Variants in RSRC1 observed in about 807,000 individuals in gnomAD.
RSRC1 encodes the protein serine/Arginine-related protein 53.
RSRC1 carries 39 observed loss-of-function variants against 49.1 expected under a neutral mutation model. The observed-to-expected ratio is 0.79, with a 90% CI of 0.61 to 1.04. RSRC1 has a LOEUF of 1.04. RSRC1 is among the 50% of genes least tolerant of loss of function. The pLI is 0.00. For missense variants in RSRC1, 388 were observed against 402.4 expected (o/e 0.96, Z 0.31); for synonymous variants, 143 against 130.8 (o/e 1.09, Z -0.63).
At chr3:158,343,123 C>T (rs1449333345) in intron 5 of RSRC1, among the ~76,000 whole-genome samples, 1 of 152,176 alleles carries the variant, frequency 6.6e-6, no homozygotes, top group African/African-American at 2.4e-5. Flanking sequence ...GGGAAATAGC[C>T]ACCTAAAATG....
intron 3 of RSRC1, among the ~76,000 whole-genome samples, chr3:158,165,339 G>A (rs1045386136): frequency 6.6e-6 from 1 of 152,178 alleles, no homozygotes; most frequent in African/African-American, 2.4e-5. Context: ...CAGGCTGTTT[G>A]AGCATAGCTC....
At chr3:158,296,721 T>C (rs1366420719) in intron 4 of RSRC1, among the ~76,000 whole-genome samples, 2 of 152,084 alleles carry the variant, frequency 1.3e-5, no homozygotes, top group African/African-American at 4.8e-5. Flanking sequence ...CATTAGAGAT[T>C]AAATAATGAG....
intron 5 of RSRC1, among the ~76,000 whole-genome samples, chr3:158,349,507 A>G (rs1313651963): frequency 1.3e-5 from 2 of 152,136 alleles, no homozygotes; most frequent in East Asian, 1.9e-4. Flanking sequence ...AATAATTATT[A>G]CTAGTTTTAG....
rs981914985 is a variant in RSRC1 at position 158,283,152 on chromosome 3, T to A, written c.495-14887T>A. On this transcript the variant is annotated intron_variant, in intron 4 of 9. Transcript: ENST00000611884. Reference sequence around the variant, plus strand: ...TAGATGGTATAAGGGTGAAAAAAAATGTAGACAAGGTTTTTAAAGTGAACA... The same window carrying A: ...TAGATGGTATAAGGGTGAAAAAAAAAGTAGACAAGGTTTTTAAAGTGAACA... Among the ~76,000 whole-genome samples, 5 of 151,962 alleles carry A rather than the reference T, an allele frequency of 3.3e-5. No individual in the cohort carries two copies. The South Asian group carries it at 1.0e-3, about 31-fold the overall frequency.
intron 6 of RSRC1, among the ~76,000 whole-genome samples, chr3:158,382,836 T>C (rs1032395390): frequency 2.6e-5 from 4 of 152,230 alleles, no homozygotes; most frequent in African/African-American, 9.6e-5. Context: ...ATGAGTATTG[T>C]ATCTTTAACT....
chr3:158,400,686 T>C (rs1247030181), intron 6 of RSRC1, among the ~76,000 whole-genome samples: 6 of 152,086 alleles, frequency 3.9e-5, no homozygotes, highest in African/African-American at 1.4e-4. Flanking sequence ...GGAAAAAGCT[T>C]ATAGAATAAG....
intron 5 of RSRC1, among the ~76,000 whole-genome samples, chr3:158,351,016 T>TA (rs993794185): frequency 5.3e-5 from 8 of 151,930 alleles, no homozygotes; most frequent in African/African-American, 9.7e-5. Flanking sequence ...ATCCTTTCTT[T>TA]AAAAAAAATA....
At chr3:158,119,988 G>A (rs1172605749) in intron 1 of RSRC1, among the ~76,000 whole-genome samples, 4 of 151,854 alleles carry the variant, frequency 2.6e-5, no homozygotes, top group Non-Finnish European at 2.9e-5. Flanking sequence ...ATGCCACCAC[G>A]CCCAGCTACT....
At chr3:158,236,105 CA>C (rs1158279770) in intron 4 of RSRC1, among the ~76,000 whole-genome samples, 2 of 144,460 alleles carry the variant, frequency 1.4e-5, no homozygotes, top group Non-Finnish European at 3.0e-5. Flanking sequence ...GACAGAGTGA[CA>C]GTCTTGTCTC....
chr3:158,136,402 A>G (rs549259129), intron 3 of RSRC1, among the ~76,000 whole-genome samples: 15 of 152,306 alleles, frequency 9.8e-5, no homozygotes, highest in Admixed American at 2.6e-4. Flanking sequence ...CATTGATGCT[A>G]TTGCTTGCTT....
intron 4 of RSRC1, among the ~76,000 whole-genome samples, chr3:158,282,591 T>C (rs1228359843): frequency 6.6e-6 from 1 of 152,194 alleles, no homozygotes; most frequent in Non-Finnish European, 1.5e-5. Flanking sequence ...ACTTGGGACA[T>C]TTGCAAAGAT....
chr3:158,262,268 T>G (rs1435053882), intron 4 of RSRC1, among the ~76,000 whole-genome samples: 4 of 152,222 alleles, frequency 2.6e-5, no homozygotes, highest in African/African-American at 9.7e-5. Context: ...AGTTTGACAT[T>G]TAGGTCTATG....
At chr3:158,457,588 A>T (rs891686759) in intron 6 of RSRC1, among the ~76,000 whole-genome samples, 1 of 152,178 alleles carries the variant, frequency 6.6e-6, no homozygotes, top group African/African-American at 2.4e-5. Flanking sequence ...ACAGCCCAAG[A>T]ATAGAACGCC....
chr3:158,281,317 T>C (rs1295103835), intron 4 of RSRC1, among the ~76,000 whole-genome samples: 1 of 151,680 alleles, frequency 6.6e-6, no homozygotes, highest in Admixed American at 6.6e-5. Context: ...TTTGGATCTA[T>C]TGAGCATAAG....
chr3:158,125,677 G>T (rs552781718), intron 3 of RSRC1, among the ~76,000 whole-genome samples: 1 of 152,280 alleles, frequency 6.6e-6, no homozygotes, highest in African/African-American at 2.4e-5. Context: ...GTACACTTGA[G>T]AAGAATGCAT....
At chr3:158,384,283 A>G (rs1732853814) in intron 6 of RSRC1, among the ~76,000 whole-genome samples, 1 of 152,166 alleles carries the variant, frequency 6.6e-6, no homozygotes, top group Non-Finnish European at 1.5e-5. Context: ...AACAGTTACC[A>G]TGGAGATACC....
intron 6 of RSRC1, among the ~76,000 whole-genome samples, chr3:158,379,740 T>C (rs974770850): frequency 2.0e-5 from 3 of 147,372 alleles, no homozygotes; most frequent in Non-Finnish European, 1.5e-5. Flanking sequence ...TCTTGCCTCC[T>C]TCAGGTCATT....
chr3:158,252,732 G>C (rs779825199), intron 4 of RSRC1, among the ~76,000 whole-genome samples: 1 of 152,146 alleles, frequency 6.6e-6, no homozygotes, highest in Non-Finnish European at 1.5e-5. Context: ...TCTTTACCGG[G>C]AGACTTTTTA....
chr3:158,444,587 C>T (rs1423803216), intron 6 of RSRC1, among the ~76,000 whole-genome samples: 2 of 152,138 alleles, frequency 1.3e-5, no homozygotes, highest in African/African-American at 2.4e-5. Context: ...CCATTCAGGA[C>T]GTAGGCATGG....
Sources: gnomAD v4.1 joint callset for allele counts (sites outside exome capture counted in the v4.1 genomes callset) on GRCh38, gnomAD v4.1.1 for gene constraint, MANE v1.5 for transcripts, NCBI Gene and HGNC (gene_info 2026-07-23, HGNC 2026-07-21) for gene names.